Variants in EXOC6 observed in about 807,000 individuals in gnomAD.
The protein encoded by EXOC6 is SEC15-like 1.
A neutral mutation model predicts 112.5 loss-of-function variants in EXOC6; 60 were observed. The ratio of observed to expected loss-of-function variants is 0.53; its 90% CI spans 0.43 to 0.66. The LOEUF (loss-of-function observed/expected upper bound fraction) is 0.66, where lower values mean the gene tolerates loss of function less well. Ranked by LOEUF, EXOC6 falls within the 30% of genes least tolerant of loss-of-function variation. The probability of loss-of-function intolerance (pLI) is 0.00; values close to 1 mark genes in which losing one functional copy is unlikely to be tolerated. For synonymous variants in EXOC6, 295 were observed against 308.0 expected, an observed-to-expected ratio of 0.96 and a Z score of 0.44; for missense variants, 855 against 957.1, an observed-to-expected ratio of 0.89 and a Z score of 1.41.
chr10:92,963,346 T>C (rs1444508223), intron 17 of EXOC6, among the ~76,000 whole-genome samples: 1 of 152,184 alleles, frequency 6.6e-6, no homozygotes, highest in Admixed American at 6.5e-5. Context: ...TATCTAACTC[T>C]CTAAGAAGTA....
chr10:93,015,269 G>C (rs1165727863), intron 20 of EXOC6, among the ~76,000 whole-genome samples: 1 of 152,136 alleles, frequency 6.6e-6, no homozygotes, highest in African/African-American at 2.4e-5. Flanking sequence ...GTAAATGTTT[G>C]AGAATATAGA....
chr10:92,835,815 G>A (rs1846640590), intron 1 of EXOC6, among the ~76,000 whole-genome samples: 1 of 152,102 alleles, frequency 6.6e-6, no homozygotes, highest in Non-Finnish European at 1.5e-5. Flanking sequence ...TCAATATGTA[G>A]GTATAGTTGC....
At chr10:92,923,291 T>C (rs1157838780) in intron 8 of EXOC6, among the ~76,000 whole-genome samples, 1 of 152,226 alleles carries the variant, frequency 6.6e-6, no homozygotes, top group Non-Finnish European at 1.5e-5. Flanking sequence ...CTTCAACATT[T>C]CTTTAGTTTA....
chr10:92,930,945 C>G (rs1851992627), intron 9 of EXOC6, among the ~76,000 whole-genome samples: 2 of 151,776 alleles, frequency 1.3e-5, no homozygotes, highest in South Asian at 4.2e-4. Context: ...AACCCCGTCT[C>G]TACTAAAAAT....
intron 20 of EXOC6, among the ~76,000 whole-genome samples, chr10:93,049,321 A>G (rs956214849): frequency 6.6e-6 from 1 of 152,146 alleles, no homozygotes; most frequent in African/African-American, 2.4e-5. Context: ...TTGGCCTCCC[A>G]AAGTGCTGGG....
chr10:92,949,003 T>A (rs1215875132), intron 14 of EXOC6, among the ~76,000 whole-genome samples: 1 of 152,222 alleles, frequency 6.6e-6, no homozygotes, highest in Non-Finnish European at 1.5e-5. Context: ...CATGAATCCA[T>A]GTGTATGTGC....
intron 1 of EXOC6, among the ~76,000 whole-genome samples, chr10:92,871,343 A>G (rs747768396): frequency 2.7e-5 from 4 of 150,602 alleles, no homozygotes; most frequent in African/African-American, 9.8e-5. Context: ...CCTGCGTGAC[A>G]TAGGGAGACC....
intron 16 of EXOC6, 113 bp from the exon 17 acceptor site, chr10:92,955,467 G>A: frequency 2.4e-6 from 2 of 836,084 alleles, no homozygotes; most frequent in Non-Finnish European, 3.9e-6. Context: ...CTATAATGCT[G>A]CAATTATGTA....
chr10:92,844,542 T>C (rs12255078), upstream of EXOC6, among the ~76,000 whole-genome samples: 766 of 152,310 alleles, frequency 5.0e-3, 6 homozygotes, highest in African/African-American at 0.018. Context: ...TCAGTTGGTT[T>C]ACATCCACCA....
At chr10:92,985,895 T>C (rs1842983092) in intron 18 of EXOC6, among the ~76,000 whole-genome samples, 1 of 152,110 alleles carries the variant, frequency 6.6e-6, no homozygotes, top group African/African-American at 2.4e-5. Flanking sequence ...AATACAAGGA[T>C]TGCAATTTTT....
chr10:92,917,920 G>C (rs527701101), intron 7 of EXOC6, among the ~76,000 whole-genome samples: 20 of 152,290 alleles, frequency 1.3e-4, no homozygotes, highest in Non-Finnish European at 1.5e-5. Flanking sequence ...GGGAGGCCGA[G>C]GGGGGCAGAT....
At chr10:92,871,274 C>T (rs913333013) in intron 1 of EXOC6, among the ~76,000 whole-genome samples, 2 of 152,032 alleles carry the variant, frequency 1.3e-5, no homozygotes, top group East Asian at 1.9e-4. Context: ...TGCCTATAAT[C>T]CCAGCGCTTT....
intron 1 of EXOC6, among the ~76,000 whole-genome samples, chr10:92,876,778 C>T (rs1208545104): frequency 1.3e-5 from 2 of 152,248 alleles, no homozygotes; most frequent in African/African-American, 4.8e-5. Context: ...AGTTCATTTT[C>T]CTTAGGAGAT....
intron 17 of EXOC6, among the ~76,000 whole-genome samples, chr10:92,969,487 A>T (rs1178185640): frequency 6.6e-6 from 1 of 152,190 alleles, no homozygotes; most frequent in African/African-American, 2.4e-5. Flanking sequence ...CCACTAACTC[A>T]AAAATAGTAA....
At chr10:92,907,794 G>A (rs1850525940) in intron 5 of EXOC6, among the ~76,000 whole-genome samples, 1 of 151,994 alleles carries the variant, frequency 6.6e-6, no homozygotes, top group African/African-American at 2.4e-5. Context: ...ACTTCATCAA[G>A]CCTTTAATAT....
chr10:93,056,856 CA>C, intron 20 of EXOC6, 67 bp from the exon 21 acceptor site: 1 of 827,374 alleles, frequency 1.2e-6, no homozygotes, highest in Non-Finnish European at 2.0e-6. Flanking sequence ...CCAAGGATAG[CA>C]TATAATTTAA....
intron 18 of EXOC6, among the ~76,000 whole-genome samples, chr10:92,990,149 A>G (rs577975888): frequency 6.6e-6 from 1 of 152,230 alleles, no homozygotes; most frequent in East Asian, 1.9e-4. Context: ...GCTTTTTCTT[A>G]ATGTTATAAA....
chr10:92,986,677 T>C (rs1843021898), intron 18 of EXOC6, among the ~76,000 whole-genome samples: 1 of 150,646 alleles, frequency 6.6e-6, no homozygotes, highest in Admixed American at 6.6e-5. Flanking sequence ...TAAATATCTT[T>C]TTCTAAAAAA....
chr10:93,038,915 C>T (rs1845640153), intron 20 of EXOC6, among the ~76,000 whole-genome samples: 1 of 152,114 alleles, frequency 6.6e-6, no homozygotes, highest in African/African-American at 2.4e-5. Flanking sequence ...GCCCATAGAG[C>T]CACCTATCTT....
Sources: gnomAD v4.1 joint callset for allele counts (sites outside exome capture counted in the v4.1 genomes callset) on GRCh38, gnomAD v4.1.1 for gene constraint, MANE v1.5 for transcripts, NCBI Gene and HGNC (gene_info 2026-07-23, HGNC 2026-07-21) for gene names.